TTC6: variants seen among roughly 807,000 people sequenced by gnomAD.
TTC6 encodes tetratricopeptide repeat protein 6.
TTC6 carries 172 observed loss-of-function variants against 210.4 expected under a neutral mutation model. The observed-to-expected ratio is 0.82, with a 90% CI of 0.72 to 0.93. The LOEUF (loss-of-function observed/expected upper bound fraction) is 0.93. Ranked by LOEUF, TTC6 falls within the 40% of genes least tolerant of loss-of-function variation. The pLI is 0.00. For synonymous variants in TTC6, 804 were observed against 819.6 expected (o/e 0.98, Z 0.32); for missense variants, 2,414 against 2,318.1 (o/e 1.04, Z -0.85).
chr14:37,616,129 A>G (rs189643647), intron 2 of TTC6, among the ~76,000 whole-genome samples: 1 of 152,300 alleles, frequency 6.6e-6, no homozygotes, highest in Non-Finnish European at 1.5e-5. Context: ...TTACTGTGCT[A>G]CTTTGAGTTT....
intron 1 of TTC6, among the ~76,000 whole-genome samples, chr14:37,646,124 C>A (rs936051330): frequency 2.6e-5 from 4 of 152,036 alleles, no homozygotes; most frequent in Non-Finnish European, 5.9e-5. Context: ...GTGCAATTGG[C>A]ACTATAATAC....
At chr14:37,808,843 A>G (rs578252763) in exon 24 of TTC6, 16 of 1,478,146 alleles carry the variant, frequency 1.1e-5, no homozygotes, top group African/African-American at 1.4e-5. Context: ...GGGAACTTCA[A>G]ATGGTAAGAT....
exon 6 of TTC6, chr14:37,714,758 C>T (rs772226774): frequency 2.4e-5 from 37 of 1,535,062 alleles, no homozygotes; most frequent in South Asian, 1.9e-4. Context: ...AACTAGAGAG[C>T]GTGCTCACAA....
intron 5 of TTC6, among the ~76,000 whole-genome samples, chr14:37,706,475 A>G (rs1177705153): frequency 6.6e-6 from 1 of 152,140 alleles, no homozygotes; most frequent in Non-Finnish European, 1.5e-5. Context: ...GCTGATGACT[A>G]TCAATTGGTA....
chr14:37,637,062 A>C (rs1395490466), intron 1 of TTC6, among the ~76,000 whole-genome samples: 5 of 152,174 alleles, frequency 3.3e-5, no homozygotes, highest in African/African-American at 1.2e-4. Context: ...ATGGTTCTGG[A>C]ACTAGTAGAC....
intron 5 of TTC6, among the ~76,000 whole-genome samples, chr14:37,711,578 T>C (rs961426848): frequency 6.6e-6 from 1 of 152,130 alleles, no homozygotes; most frequent in African/African-American, 2.4e-5. Flanking sequence ...TTTTTTTGCA[T>C]TGCAAATGTA....
At chr14:37,723,730 T>TAACCAAGGTCAAC (rs200567282) in intron 6 of TTC6, among the ~76,000 whole-genome samples, 8,657 of 152,282 alleles carry the variant, frequency 0.057, 377 homozygotes, top group Non-Finnish European at 0.089. Context: ...ATTTCCAAAG[T>TAACCAAGGTCAAC]AACTTTTCCT....
intron 24 of TTC6, among the ~76,000 whole-genome samples, chr14:37,809,702 C>T (rs960407609): frequency 5.9e-5 from 9 of 152,078 alleles, no homozygotes; most frequent in African/African-American, 2.2e-4. Context: ...TTTTGAAGGC[C>T]TGTGGGCTGC....
intron 1 of TTC6, among the ~76,000 whole-genome samples, chr14:37,679,221 C>G (rs1186460172): frequency 6.8e-6 from 1 of 146,060 alleles, no homozygotes; most frequent in African/African-American, 2.5e-5. Flanking sequence ...GTCTCTGTTT[C>G]AAAAAAAAAA....
At chr14:37,812,263 T>G in intron 24 of TTC6, 51 bp from the exon 27 acceptor site, 1 of 1,583,006 alleles carries the variant, frequency 6.3e-7, no homozygotes, top group Non-Finnish European at 8.6e-7. Context: ...CCATAGCCAA[T>G]GAATTCAGGC....
At chr14:37,683,541 A>G (rs1481319097) in intron 3 of TTC6, among the ~76,000 whole-genome samples, 2 of 152,158 alleles carry the variant, frequency 1.3e-5, no homozygotes, top group Non-Finnish European at 2.9e-5. Flanking sequence ...GAATACACAT[A>G]GGACAATAAG....
chr14:37,706,678 T>C (rs930344811), intron 5 of TTC6, among the ~76,000 whole-genome samples: 6 of 152,114 alleles, frequency 3.9e-5, no homozygotes, highest in Non-Finnish European at 8.8e-5. Flanking sequence ...ACATGTGTAT[T>C]ATATAAAACA....
At chr14:37,676,605 G>A (rs1020896612) in intron 1 of TTC6, among the ~76,000 whole-genome samples, 3 of 151,922 alleles carry the variant, frequency 2.0e-5, no homozygotes, top group Non-Finnish European at 4.4e-5. Flanking sequence ...GGTTGCTTAT[G>A]CTTTTGTTGT....
chr14:37,827,373 T>C lies in TTC6; in HGVS notation c.5298+7T>C, dbSNP rs768798091. On this transcript the variant is annotated splice_region_variant and intron_variant, in intron 29 of 30. Transcript: ENST00000553443. ...CCACAGGCAGTTTTCCCAGGTAATG[T>C]GAGTTTTACTTAACGCTTTCTTTTT... 3.1e-6 allele frequency: 5 copies of C among 1,611,292 alleles called. No individual in the cohort carries two copies. The African/African-American group carries it at 6.7e-5, about 22-fold the overall frequency.
At chr14:37,699,918 C>A (rs1309570613) in intron 4 of TTC6, among the ~76,000 whole-genome samples, 1 of 152,008 alleles carries the variant, frequency 6.6e-6, no homozygotes, top group Non-Finnish European at 1.5e-5. Context: ...CCTCAGAAGC[C>A]ACACCCAGTT....
chr14:37,771,214 T>C (rs1213132036), intron 14 of TTC6, among the ~76,000 whole-genome samples: 4 of 152,226 alleles, frequency 2.6e-5, no homozygotes, highest in Non-Finnish European at 4.4e-5. Flanking sequence ...TAACCCGACC[T>C]TTCTGTCTGG....
At chr14:37,726,789 T>C (rs2095873886) in intron 7 of TTC6, among the ~76,000 whole-genome samples, 1 of 152,248 alleles carries the variant, frequency 6.6e-6, no homozygotes, top group South Asian at 2.1e-4. Context: ...ATATTTACTA[T>C]TTTTCTTGTC....
chr14:37,813,012 T>G (rs2096133138), intron 25 of TTC6, among the ~76,000 whole-genome samples: 1 of 152,198 alleles, frequency 6.6e-6, no homozygotes, highest in African/African-American at 2.4e-5. Flanking sequence ...TTTTTATTTT[T>G]ATTGTCTTTT....
intron 3 of TTC6, among the ~76,000 whole-genome samples, chr14:37,690,599 A>G (rs546812353): frequency 6.6e-6 from 1 of 152,304 alleles, no homozygotes; most frequent in East Asian, 1.9e-4. Context: ...CAGACAAAAT[A>G]GATTTCAGGA....
Sources: allele counts gnomAD v4.1 joint callset (sites outside exome capture counted in the v4.1 genomes callset), GRCh38; gene constraint gnomAD v4.1.1; transcripts MANE v1.5; gene names NCBI Gene and HGNC (gene_info 2026-07-23, HGNC 2026-07-21).